Variants in SHLD1 observed in about 807,000 individuals in gnomAD.
The protein encoded by SHLD1 is RINN1-REV7-interacting novel NHEJ regulator 3.
In SHLD1, 3 loss-of-function variants were observed where a neutral mutation model predicts 5.5. The ratio of observed to expected loss-of-function variants is 0.54; its 90% CI spans 0.25 to 1.40. The LOEUF (loss-of-function observed/expected upper bound fraction) is 1.40, where lower values mean the gene tolerates loss of function less well. Among genes scored for constraint, SHLD1 ranks in the 40% most tolerant of loss-of-function variants. The pLI, the probability that SHLD1 is intolerant of heterozygous loss-of-function variation, is 0.15. For missense variants in SHLD1, 210 were observed against 244.4 expected (o/e 0.86, Z 0.94); for synonymous variants, 92 against 94.3 (o/e 0.98, Z 0.14).
At chr20:5,833,687 G>C (rs1005137094) in intron 2 of SHLD1, among the ~76,000 whole-genome samples, 13 of 152,024 alleles carry the variant, frequency 8.6e-5, no homozygotes, top group African/African-American at 3.1e-4. Context: ...GACAGAGAGA[G>C]AGAGACAGAG....
chr20:5,845,587 GA>G (rs1409036125), intron 2 of SHLD1, among the ~76,000 whole-genome samples: 1 of 152,204 alleles, frequency 6.6e-6, no homozygotes, highest in African/African-American at 2.4e-5. Context: ...ACTGATGTTA[GA>G]ATACCTTTGC....
intron 2 of SHLD1, among the ~76,000 whole-genome samples, chr20:5,847,073 A>G (rs1215373803): frequency 6.6e-6 from 1 of 152,092 alleles, no homozygotes; most frequent in Non-Finnish European, 1.5e-5. Flanking sequence ...TGATAGCCAT[A>G]TGAAGATCAT....
chr20:5,763,194 T>A (rs1368210453), intron 1 of SHLD1, among the ~76,000 whole-genome samples: 2 of 146,456 alleles, frequency 1.4e-5, no homozygotes, highest in African/African-American at 2.5e-5. Context: ...TAATCCCAGC[T>A]ACTCAGAAGG....
chr20:5,807,867 G>T (rs112066052), intron 2 of SHLD1, among the ~76,000 whole-genome samples: 10 of 152,140 alleles, frequency 6.6e-5, no homozygotes, highest in African/African-American at 2.2e-4. Context: ...GTCCCCAGGT[G>T]GGTATATGTA....
chr20:5,750,466 G>A lies in SHLD1; in HGVS notation c.-18G>A, dbSNP rs368346540. On this transcript the variant is annotated 5_prime_UTR_variant, in exon 1 of 3. Coordinates refer to ENST00000303142, the MANE Select transcript of SHLD1 (RefSeq NM_152504.4). The stretch of plus-strand genomic sequence containing the variant: ...GCTTTTCTCCTCAGTTTTCTGGAGT[G>A]CTTTGGAGGAGAGGTAAGCGCGGGA... 7 of 139,410 alleles carry A rather than the reference G, an allele frequency of 5.0e-5. 1 individual carries two copies. The highest frequency in any genetic ancestry group is 3.1e-4 in the Admixed American group (4 of 12,958). The allele number at this position is 139,410 out of a possible 1,614,324, so 8.6% of individuals were successfully genotyped here.
At chr20:5,859,402 C>A (rs76915944) in intron 2 of SHLD1, among the ~76,000 whole-genome samples, 3,094 of 152,294 alleles carry the variant, frequency 0.02, 54 homozygotes, top group Middle Eastern at 0.044. Context: ...ACTTTGCAAT[C>A]CCTGACACAA....
rs558451010 is a variant in SHLD1 at position 5,862,211 on chromosome 20, T to G, written c.179-813T>G. On this transcript the variant is annotated intron_variant, in intron 2 of 2. Transcript: ENST00000303142. ...CACAATTCAGTCCATAGCATAGTGA[T>G]AGCGTAAAAATTTAAAACACCTTCA... is the stretch of plus-strand genomic sequence containing the variant. 5.3e-5 allele frequency among the ~76,000 whole-genome samples: 8 copies of G among 152,336 alleles called. No homozygotes were observed. The South Asian group carries it at 1.7e-3, about 32-fold the overall frequency.
chr20:5,785,660 G>T lies in SHLD1; in HGVS notation c.178+12617G>T, dbSNP rs529794386. On this transcript the variant is annotated intron_variant, in intron 2 of 2. Transcript: ENST00000303142. ...AAAATACAAAAATTAGCTGGGCATG[G>T]TGGTACACGCCTGTAGTCTCAGCTA... 2.0e-5 allele frequency among the ~76,000 whole-genome samples: 3 copies of T among 151,962 alleles called. 1 individual carries two copies. The highest frequency in any genetic ancestry group is 4.4e-5 in the Non-Finnish European group (3 of 68,006).
At chr20:5,759,195 C>T (rs1034824993) in intron 1 of SHLD1, among the ~76,000 whole-genome samples, 12 of 151,714 alleles carry the variant, frequency 7.9e-5, no homozygotes, top group Admixed American at 2.6e-4. Context: ...CCTCGTGATC[C>T]GCCCACCTCG....
chr20:5,831,467 C>T (rs237080), intron 2 of SHLD1, among the ~76,000 whole-genome samples: 68,355 of 152,002 alleles, frequency 0.45, 18,777 homozygotes, highest in African/African-American at 0.77. Context: ...ACCACAAGTT[C>T]GTTGAAGCCA....
intron 2 of SHLD1, among the ~76,000 whole-genome samples, chr20:5,779,937 G>A (rs1985610658): frequency 6.6e-6 from 1 of 150,986 alleles, no homozygotes; most frequent in Non-Finnish European, 1.5e-5. Context: ...TTGGTCATTA[G>A]GATTCATTAA....
At position 5,855,473 on chromosome 20, in the gene SHLD1, G is replaced by A. The variant is rs2088070561; in HGVS notation, c.179-7551G>A. Among the ~76,000 whole-genome samples, 1 of 152,182 alleles carries A rather than the reference G, an allele frequency of 6.6e-6. No homozygotes were observed. The highest frequency in any genetic ancestry group is 2.1e-4 in the South Asian group (1 of 4,830). ...GGCAACCTCCACCTCCCGCGTTCAA[G>A]AGATTCTTGTGCCTCAGCCACCCGA... On this transcript the variant is annotated intron_variant, in intron 2 of 2. Coordinates refer to ENST00000303142, the MANE Select transcript of SHLD1 (RefSeq NM_152504.4). The surrounding 1 kb of genome is among the most constrained non-coding windows in gnomAD (Gnocchi z 4.4).
chr20:5,811,919 A>T lies in SHLD1; in HGVS notation c.178+38876A>T, dbSNP rs188711646. ...CCCCATCTCCACCACTGCCGGCTGT[A>T]TAACCCAAGGCGAGTTACTTTCTCT... On this transcript the variant is annotated intron_variant, in intron 2 of 2. Transcript: ENST00000303142. Among the ~76,000 whole-genome samples the T allele has an allele frequency of 2.2e-4, 33 of 152,126 alleles. 1 individual carries two copies. In the East Asian group the frequency reaches 5.4e-3, roughly 25 times the overall value.
chr20:5,772,025 C>T (rs1416304969), intron 1 of SHLD1: 1 of 417,262 alleles, frequency 2.4e-6, no homozygotes, highest in Non-Finnish European at 4.7e-6. Context: ...CAGGCACCCA[C>T]CACCAAGCCT....
chr20:5,794,734 C>G (rs1230450340), intron 2 of SHLD1, among the ~76,000 whole-genome samples: 1 of 152,080 alleles, frequency 6.6e-6, no homozygotes, highest in Non-Finnish European at 1.5e-5. Flanking sequence ...TGTCTTTAAG[C>G]AAAGCCATGT....
intron 2 of SHLD1, among the ~76,000 whole-genome samples, chr20:5,775,922 G>GTTTTTTTTTTTT (rs1391999872): frequency 7.9e-5 from 5 of 63,470 alleles, no homozygotes; most frequent in East Asian, 3.1e-4. Flanking sequence ...GTCAGCTCAG[G>GTTTTTTTTTTTT]ATTTTTTTTT....
chr20:5,818,410 G>A (rs144911854), intron 2 of SHLD1, among the ~76,000 whole-genome samples: 1 of 152,316 alleles, frequency 6.6e-6, no homozygotes, highest in Admixed American at 6.5e-5. Flanking sequence ...TATAGCAGAA[G>A]GGCAAATTTG....
intron 2 of SHLD1, among the ~76,000 whole-genome samples, chr20:5,825,441 A>G (rs2087655090): frequency 6.6e-6 from 1 of 152,256 alleles, no homozygotes; most frequent in Non-Finnish European, 1.5e-5. Flanking sequence ...TGAAAAATAC[A>G]TAGGTCTGAC....
chr20:5,801,693 C>T (rs1046076517), intron 2 of SHLD1, among the ~76,000 whole-genome samples: 2 of 152,156 alleles, frequency 1.3e-5, no homozygotes, highest in African/African-American at 4.8e-5. Flanking sequence ...ATGGGAGTGG[C>T]TCCTGAAGAT....
Sources: allele counts gnomAD v4.1 joint callset (sites outside exome capture counted in the v4.1 genomes callset), GRCh38; gene constraint gnomAD v4.1.1; non-coding constraint Gnocchi (gnomAD v3.1); transcripts MANE v1.5; gene names NCBI Gene and HGNC (gene_info 2026-07-23, HGNC 2026-07-21).